Variants in BSPH1 observed in about 807,000 individuals in gnomAD.
BSPH1 encodes binder of sperm protein homolog 1.
BSPH1 carries 21 observed loss-of-function variants against 22.5 expected under a neutral mutation model. The ratio of observed to expected loss-of-function variants is 0.93; its 90% confidence interval spans 0.66 to 1.35. BSPH1 has a LOEUF of 1.35. Ranked by LOEUF, BSPH1 falls within the 40% of genes most tolerant of loss-of-function variation. The pLI is 0.00. For synonymous variants in BSPH1, 42 were observed against 53.6 expected (o/e 0.78, Z 0.95); for missense variants, 141 against 154.2 (o/e 0.91, Z 0.45).
At chr19:47,984,626 C>G (rs1969451793) in intron 1 of BSPH1, among the ~76,000 whole-genome samples, 1 of 152,086 alleles carries the variant, frequency 6.6e-6, no homozygotes, top group African/African-American at 2.4e-5. Context: ...AGGCCATTAG[C>G]CTAAGCAAAT....
chr19:47,984,762 G>A (rs893707363), intron 1 of BSPH1, among the ~76,000 whole-genome samples: 2 of 152,108 alleles, frequency 1.3e-5, no homozygotes, highest in African/African-American at 4.8e-5. Context: ...GGGAGGTAAG[G>A]AGGGGACCCA....
chr19:47,976,603 AAAACCCTCTCTAATGAG>A, intron 5 of BSPH1, 90 bp downstream of exon 5: 1 of 812,636 alleles, frequency 1.2e-6, no homozygotes, highest in South Asian at 2.1e-5. Context: ...AAAACAAAAA[AAAACCCTCTCTAATGAG>A]AAAGGGTTCT....
At chr19:47,986,047 C>T (rs1383623999) in intron 1 of BSPH1, among the ~76,000 whole-genome samples, 2 of 152,072 alleles carry the variant, frequency 1.3e-5, no homozygotes, top group Admixed American at 6.6e-5. Flanking sequence ...TACGGAGCCC[C>T]AGAGGAGGGA....
At chr19:47,986,090 GA>G (rs946415882) in intron 1 of BSPH1, among the ~76,000 whole-genome samples, 1 of 152,114 alleles carries the variant, frequency 6.6e-6, no homozygotes. Flanking sequence ...ACAGACTAGG[GA>G]AAAAAAGCTG....
At position 47,981,776 on chromosome 19, in the gene BSPH1, T is replaced by G. The variant is rs1036198620; in HGVS notation, c.74-835A>C. ...GGAAACTGCCTGATAGCTTTACTTT[T>G]TTTTTTTCTTAAAGCAGCATTTTTC... On this transcript the variant is annotated intron_variant, in intron 1 of 5. Coordinates refer to ENST00000344839, the MANE Select transcript of BSPH1 (RefSeq NM_001128326.2). 3.3e-5 allele frequency: 32 copies of G among 971,800 alleles called. No individual in the cohort carries two copies. In the Admixed American group the frequency reaches 4.3e-4, roughly 13 times the overall value. 60.2% of individuals were successfully genotyped at this position (971,800 alleles called of 1,614,324 possible). A position where few individuals can be genotyped will look rare whatever the true frequency, so the allele number is the denominator to read the frequency against.
intron 5 of BSPH1, among the ~76,000 whole-genome samples, chr19:47,975,409 C>T (rs968919259): frequency 6.6e-6 from 1 of 152,192 alleles, no homozygotes; most frequent in Non-Finnish European, 1.5e-5. Flanking sequence ...TTAGCCAGCT[C>T]TCAAGTGCTG....
intron 4 of BSPH1, 140 bp from the exon 5 acceptor site, chr19:47,976,994 C>G (rs1400985272): frequency 2.6e-6 from 2 of 782,606 alleles, no homozygotes; most frequent in South Asian, 3.7e-5. Flanking sequence ...CACATGCACA[C>G]TCACACAGAC....
chr19:47,990,452 T>C (rs4801739), intron 1 of BSPH1, among the ~76,000 whole-genome samples: 42,973 of 151,886 alleles, frequency 0.28, 6,225 homozygotes, highest in South Asian at 0.4. Flanking sequence ...TTCCTTTTTA[T>C]GTATCTACAA....
intron 5 of BSPH1, 30 bp downstream of exon 5, chr19:47,976,680 T>C (rs1467822335): frequency 5.2e-6 from 8 of 1,539,486 alleles, no homozygotes; most frequent in Non-Finnish European, 7.0e-6. Context: ...TGATTAAACG[T>C]CTTCATCCCC....
intron 5 of BSPH1, among the ~76,000 whole-genome samples, chr19:47,973,185 C>T (rs1440677575): frequency 6.7e-6 from 1 of 150,144 alleles, no homozygotes; most frequent in African/African-American, 2.4e-5. Context: ...CCACTGCACT[C>T]CAGCCTGGGT....
chr19:47,980,381 C>G (rs1321713486), intron 2 of BSPH1: 6 of 542,460 alleles, frequency 1.1e-5, no homozygotes, highest in Admixed American at 1.3e-4. Flanking sequence ...TTGATTTTTG[C>G]TAAAAATCAC....
chr19:47,975,649 ATTTTTTTTTT>A (rs199878812), intron 5 of BSPH1, among the ~76,000 whole-genome samples: 76,414 of 125,686 alleles, frequency 0.61, 21,161 homozygotes, highest in Middle Eastern at 0.66. Context: ...AAGGTAATGC[ATTTTTTTTTT>A]TTTTTTTTTT....
chr19:47,976,971 A>C, intron 4 of BSPH1, 117 bp from the exon 5 acceptor site: 1 of 951,752 alleles, frequency 1.1e-6, no homozygotes, highest in Non-Finnish European at 1.6e-6. Flanking sequence ...ACGTGAACAA[A>C]TGTGCACACA....
intron 1 of BSPH1, among the ~76,000 whole-genome samples, chr19:47,989,672 A>G (rs1384277751): frequency 6.6e-6 from 1 of 152,046 alleles, no homozygotes; most frequent in Non-Finnish European, 1.5e-5. Context: ...TGAGCCCTAG[A>G]TGTCTATGAG....
chr19:47,968,926 G>A (rs953099723), intron 5 of BSPH1, among the ~76,000 whole-genome samples: 2 of 150,092 alleles, frequency 1.3e-5, no homozygotes, highest in Non-Finnish European at 3.0e-5. Context: ...TTGAACATGG[G>A]AGGCGGAGGT....
At chr19:47,972,037 T>C (rs1281616111) in intron 5 of BSPH1, among the ~76,000 whole-genome samples, 1 of 152,250 alleles carries the variant, frequency 6.6e-6, no homozygotes, top group African/African-American at 2.4e-5. Flanking sequence ...TACTTGTTCA[T>C]CTGCTTCGCT....
intron 1 of BSPH1, chr19:47,981,791 C>T (rs895709362): frequency 2.1e-6 from 2 of 947,880 alleles, no homozygotes; most frequent in African/African-American, 3.6e-5. Flanking sequence ...TTTCTTAAAG[C>T]AGCATTTTTC....
chr19:47,983,101 T>C (rs1197261680), intron 1 of BSPH1, among the ~76,000 whole-genome samples: 1 of 152,134 alleles, frequency 6.6e-6, no homozygotes, highest in Non-Finnish European at 1.5e-5. Flanking sequence ...GATCTCACGA[T>C]GAAGGGATCT....
At chr19:47,977,703 C>G (rs1351807459) in intron 3 of BSPH1, 199 bp from the exon 4 acceptor site, 1 of 984,552 alleles carries the variant, frequency 1.0e-6, no homozygotes. Context: ...TGCCCCTGCC[C>G]TACTTCTTTT....
Sources: gnomAD v4.1 joint callset for allele counts (sites outside exome capture counted in the v4.1 genomes callset) on GRCh38, gnomAD v4.1.1 for gene constraint, MANE v1.5 for transcripts, NCBI Gene and HGNC (gene_info 2026-07-23, HGNC 2026-07-21) for gene names.